The following CNIH4 variants were observed in gnomAD, a reference collection of about 807,000 sequenced individuals.
CNIH4 encodes the protein protein cornichon homolog 4.
Under a neutral mutation model 21.5 loss-of-function variants are expected in CNIH4, and 9 were observed. That is an observed-to-expected ratio of 0.42 (90% confidence interval 0.25 to 0.73). The LOEUF (loss-of-function observed/expected upper bound fraction) is 0.73, where lower values mean the gene tolerates loss of function less well. Ranked by LOEUF, CNIH4 falls within the 30% of genes least tolerant of loss-of-function variation. CNIH4 has a pLI of 0.27. For synonymous variants in CNIH4, 67 were observed against 59.1 expected, an observed-to-expected ratio of 1.13 and a Z score of -0.61; for missense variants, 159 against 170.0, an observed-to-expected ratio of 0.94 and a Z score of 0.36.
chr1:224,365,630 G>A lies in CNIH4; in HGVS notation c.139-249G>A, dbSNP rs189655939. Reference sequence around the variant, plus strand: ...TCTCATTCAAATCTGCTTAATGAATGAACCTAAGCCTTTGCTTAGGATAAA... The same window carrying A: ...TCTCATTCAAATCTGCTTAATGAATAAACCTAAGCCTTTGCTTAGGATAAA... On this transcript the variant is annotated intron_variant, in intron 2 of 4. Coordinates refer to ENST00000465271, the MANE Select transcript of CNIH4 (RefSeq NM_014184.4). Among the ~76,000 whole-genome samples, 537 of 152,286 alleles carry A rather than the reference G, an allele frequency of 3.5e-3. 4 individuals are homozygous for A. Among genetic ancestry groups the A allele is most frequent in the African/African-American group, 0.012 (501 of 41,558 alleles).
chr1:224,364,857 C>T (rs1035279917), intron 2 of CNIH4, among the ~76,000 whole-genome samples: 6 of 151,490 alleles, frequency 4.0e-5, no homozygotes, highest in Non-Finnish European at 5.9e-5. Flanking sequence ...TGGTTGAACC[C>T]GGGAGGCGGA....
intron 2 of CNIH4, among the ~76,000 whole-genome samples, chr1:224,362,675 A>G (rs1672332569): frequency 6.6e-6 from 1 of 151,190 alleles, no homozygotes; most frequent in South Asian, 2.1e-4. Context: ...TTGTATTTTT[A>G]ATAGAGACAG....
intron 3 of CNIH4, among the ~76,000 whole-genome samples, chr1:224,368,661 C>CT (rs1294062152): frequency 0.089 from 11,575 of 130,120 alleles, 1,379 homozygotes; most frequent in African/African-American, 0.27. Context: ...AGCAGCTGCA[C>CT]TTTTTTTTTT....
At chr1:224,370,547 C>T (rs1440233279) in intron 3 of CNIH4, among the ~76,000 whole-genome samples, 1 of 152,188 alleles carries the variant, frequency 6.6e-6, no homozygotes, top group African/African-American at 2.4e-5. Context: ...CATTGATCCT[C>T]TCAAAGTAAC....
At chr1:224,374,902 G>A (rs1672737708) in intron 4 of CNIH4, among the ~76,000 whole-genome samples, 2 of 152,150 alleles carry the variant, frequency 1.3e-5, no homozygotes, top group Admixed American at 6.5e-5. Flanking sequence ...AGTACATTTA[G>A]TATGGTTGAA....
At position 224,378,879 on chromosome 1, in the gene CNIH4, C is replaced by G. The variant is rs1672845442; in HGVS notation, c.*3057C>G. 1 of 553,910 alleles carries G rather than the reference C, an allele frequency of 1.8e-6. No homozygotes were observed. Among genetic ancestry groups the G allele is most frequent in the Non-Finnish European group, 3.3e-6 (1 of 301,558 alleles). The allele number at this position is 553,910 out of a possible 1,614,324, so 34.3% of individuals were successfully genotyped here. On this transcript the variant is annotated 3_prime_UTR_variant, in exon 5 of 5. Coordinates refer to ENST00000465271, the MANE Select transcript of CNIH4 (RefSeq NM_014184.4). ...TGAATGCTGAGGCCTAGAGATCGTTCAGGGTGTTGTAACTGGGAACATCTG... is the reference window on the plus strand; with the variant it reads ...TGAATGCTGAGGCCTAGAGATCGTTGAGGGTGTTGTAACTGGGAACATCTG...
intron 4 of CNIH4, among the ~76,000 whole-genome samples, chr1:224,371,832 C>G (rs892092753): frequency 6.6e-6 from 1 of 152,174 alleles, no homozygotes; most frequent in Non-Finnish European, 1.5e-5. Flanking sequence ...ATCCCAGCTA[C>G]TTGGGAGGCT....
chr1:224,372,565 T>G (rs577118624), intron 4 of CNIH4, among the ~76,000 whole-genome samples: 245 of 145,398 alleles, frequency 1.7e-3, no homozygotes, highest in Admixed American at 2.3e-3. Context: ...ATAGCAGGGG[T>G]TTTTTTTTTG....
At chr1:224,370,975 C>G (rs887089505) in intron 3 of CNIH4, among the ~76,000 whole-genome samples, 3 of 150,182 alleles carry the variant, frequency 2.0e-5, no homozygotes, top group African/African-American at 4.9e-5. Context: ...CTTCCGGGTT[C>G]AGGTGATTAT....
intron 4 of CNIH4, among the ~76,000 whole-genome samples, chr1:224,372,214 A>C (rs1250514804): frequency 6.6e-6 from 1 of 152,222 alleles, no homozygotes; most frequent in Non-Finnish European, 1.5e-5. Flanking sequence ...AAGAATTAAT[A>C]TGATAGATTG....
In CNIH4 at chr1:224,377,953, CCTTA is replaced by C. The variant is rs1469900985; in HGVS notation, c.*2135_*2138del. On this transcript the variant is annotated 3_prime_UTR_variant, in exon 5 of 5. Coordinates refer to ENST00000465271, the MANE Select transcript of CNIH4 (RefSeq NM_014184.4). ...CATGTTTATAACAGAGGTCAAAGCT[CCTTA>C]CTTCTGAAACATTAGCTGTGGTTAA... The C allele has an allele frequency of 1.3e-5, 2 of 152,146 alleles. No individual in the cohort carries two copies. Among genetic ancestry groups the C allele is most frequent in the African/African-American group, 4.8e-5 (2 of 41,442 alleles). The allele number at this position is 152,146 out of a possible 1,614,324, so 9.4% of individuals were successfully genotyped here. A position where few individuals can be genotyped will look rare whatever the true frequency, so the allele number is the denominator to read the frequency against.
chr1:224,361,103 A>G (rs1374631172), intron 2 of CNIH4, among the ~76,000 whole-genome samples: 2 of 147,684 alleles, frequency 1.4e-5, no homozygotes, highest in African/African-American at 5.0e-5. Flanking sequence ...GCATGCCACC[A>G]TGCCTGGCTA....
At chr1:224,359,515 TAAAAC>T in intron 1 of CNIH4, among the ~76,000 whole-genome samples, 1 of 152,186 alleles carries the variant, frequency 6.6e-6, no homozygotes, top group South Asian at 2.1e-4. Flanking sequence ...GTAACAGAAA[TAAAAC>T]AAATTGGAGG....
At chr1:224,360,686 A>G in intron 2 of CNIH4, 123 bp downstream of exon 2, 1 of 451,936 alleles carries the variant, frequency 2.2e-6, no homozygotes, top group Non-Finnish European at 4.0e-6. Context: ...TTCATTGGAA[A>G]TTTGATGGAA....
intron 2 of CNIH4, among the ~76,000 whole-genome samples, chr1:224,361,114 A>ATTTTTT (rs34687621): frequency 7.8e-6 from 1 of 128,934 alleles, no homozygotes; most frequent in African/African-American, 2.9e-5. Flanking sequence ...TGCCTGGCTA[A>ATTTTTT]TTTTTTTTTT....
intron 4 of CNIH4, among the ~76,000 whole-genome samples, chr1:224,374,540 G>T (rs112284246): frequency 1.1e-4 from 17 of 151,968 alleles, no homozygotes; most frequent in African/African-American, 3.9e-4. Context: ...TCAGCCTCCC[G>T]TGTAGCTGGG....
rs1427004171 is a variant in CNIH4 at position 224,377,302 on chromosome 1, ATC to A, written c.*1484_*1485del. On this transcript the variant is annotated 3_prime_UTR_variant, in exon 5 of 5. Coordinates refer to ENST00000465271, the MANE Select transcript of CNIH4 (RefSeq NM_014184.4). ...GTGTAACAGACATTACTTTGCTTGC[ATC>A]TCTTTTTCATACCTTTTCCCTCTGA... The A allele has an allele frequency of 6.6e-6, 1 of 152,188 alleles. No homozygotes were observed. The highest frequency in any genetic ancestry group is 1.5e-5 in the Non-Finnish European group (1 of 68,044). 9.4% of individuals were successfully genotyped at this position (152,188 alleles called of 1,614,324 possible). A position where few individuals can be genotyped will look rare whatever the true frequency, so the allele number is the denominator to read the frequency against.
In CNIH4 at chr1:224,361,164, G is replaced by A. The variant is rs6695178; in HGVS notation, c.138+601G>A. On this transcript the variant is annotated intron_variant, in intron 2 of 4. Transcript: ENST00000465271. Reference sequence around the variant, plus strand: ...GGAGTCTCACTCTGTCACCCAGGCCGGAGTGCAGTGGTGTGATCTGGACTC... The same window carrying A: ...GGAGTCTCACTCTGTCACCCAGGCCAGAGTGCAGTGGTGTGATCTGGACTC... Among the ~76,000 whole-genome samples, 347 of 144,590 alleles carry A rather than the reference G, an allele frequency of 2.4e-3. 2 individuals carry two copies. Among genetic ancestry groups the A allele is most frequent in the African/African-American group, 8.7e-3 (335 of 38,596 alleles). 94.9% of individuals were successfully genotyped at this position (144,590 alleles called of 152,430 possible).
At chr1:224,364,546 GCATGAGTTC>G (rs1316277958) in intron 2 of CNIH4, 1 of 190,476 alleles carries the variant, frequency 5.3e-6, no homozygotes, top group African/African-American at 2.4e-5. Context: ...ATAGGACATA[GCATGAGTTC>G]CATTCCAGGT....
Sources: gnomAD v4.1 joint callset for allele counts (sites outside exome capture counted in the v4.1 genomes callset) on GRCh38, gnomAD v4.1.1 for gene constraint, MANE v1.5 for transcripts, NCBI Gene and HGNC (gene_info 2026-07-23, HGNC 2026-07-21) for gene names.